MED12L: variants seen among roughly 807,000 people sequenced by gnomAD.
MED12L encodes the protein mediator complex subunit 12L.
In MED12L, 60 loss-of-function variants were observed where a neutral mutation model predicts 281.3. The observed-to-expected ratio is 0.21, with a 90% CI of 0.17 to 0.26. The LOEUF (loss-of-function observed/expected upper bound fraction) is 0.26. Ranked by LOEUF, MED12L falls within the 10% of genes least tolerant of loss-of-function variation. The pLI, the probability that MED12L is intolerant of heterozygous loss-of-function variation, is 1.00. For missense variants in MED12L, 2,146 were observed against 2,680.9 expected (o/e 0.80, Z 4.41); for synonymous variants, 974 against 987.2 (o/e 0.99, Z 0.25).
chr3:151,129,100 A>G (rs1330255289), intron 5 of MED12L, among the ~76,000 whole-genome samples: 1 of 152,194 alleles, frequency 6.6e-6, no homozygotes, highest in Admixed American at 6.5e-5. Flanking sequence ...TGAAATGAAA[A>G]CAGCTTATGG....
chr3:151,367,437 C>A (rs965920976), intron 23 of MED12L, among the ~76,000 whole-genome samples: 1 of 152,146 alleles, frequency 6.6e-6, no homozygotes, highest in Admixed American at 6.5e-5. Context: ...TTTCTTACAG[C>A]ATTGGAATGT....
intron 16 of MED12L, among the ~76,000 whole-genome samples, chr3:151,344,771 C>T (rs1017628864): frequency 6.6e-6 from 1 of 152,140 alleles, no homozygotes; most frequent in South Asian, 2.1e-4. Context: ...AGATCTTTTT[C>T]ATTTTTCCTT....
At chr3:151,398,130 C>G (rs779674042) in intron 39 of MED12L, among the ~76,000 whole-genome samples, 1 of 152,246 alleles carries the variant, frequency 6.6e-6, no homozygotes. Context: ...CTTCCAGGAG[C>G]CTAAAGTTTC....
chr3:151,220,893 A>G (rs1175656172), intron 16 of MED12L, among the ~76,000 whole-genome samples: 1 of 152,248 alleles, frequency 6.6e-6, no homozygotes, highest in Non-Finnish European at 1.5e-5. Context: ...GAACTGGGCA[A>G]CAGGCAGAGA....
At chr3:151,354,138 C>G (rs1236833113) in intron 17 of MED12L, among the ~76,000 whole-genome samples, 16 of 34,884 alleles carry the variant, frequency 4.6e-4, no homozygotes, top group African/African-American at 1.6e-3. Context: ...GAGACTCCGT[C>G]TCAAAAAAAA....
intron 38 of MED12L, among the ~76,000 whole-genome samples, chr3:151,391,111 G>C (rs1714180321): frequency 6.6e-6 from 1 of 152,154 alleles, no homozygotes; most frequent in African/African-American, 2.4e-5. Context: ...CCCAGTTTTG[G>C]ATGCTAGGAT....
chr3:151,193,801 C>T lies in MED12L; in HGVS notation c.2250+135C>T. The T allele has an allele frequency of 7.0e-6, 5 of 714,152 alleles. No homozygotes were observed. The South Asian group carries it at 1.0e-4, about 15-fold the overall frequency. 44.2% of individuals were successfully genotyped at this position (714,152 alleles called of 1,614,324 possible). On this transcript the variant is annotated intron_variant, in intron 16 of 44. Coordinates refer to ENST00000687756, the MANE Select transcript of MED12L (RefSeq NM_001393769.1). ...GAGTTTTTTGCATTTGCTCCTGCTT[C>T]TGTTCTAATTCTGATCTTAAGCTTA...
At chr3:151,108,600 C>A (rs1250786834) in intron 2 of MED12L, among the ~76,000 whole-genome samples, 1 of 152,156 alleles carries the variant, frequency 6.6e-6, no homozygotes, top group Non-Finnish European at 1.5e-5. Flanking sequence ...CTAACTCAGC[C>A]TTCTTGACTA....
intron 16 of MED12L, chr3:151,219,542 GA>G (rs1728911451): frequency 6.6e-6 from 1 of 152,180 alleles, no homozygotes; most frequent in African/African-American, 2.4e-5. Context: ...TACCTTTTAA[GA>G]TTTTTTTTGC....
At chr3:151,245,716 G>A (rs1735287792) in intron 16 of MED12L, among the ~76,000 whole-genome samples, 1 of 107,330 alleles carries the variant, frequency 9.3e-6, no homozygotes, top group African/African-American at 3.5e-5. Context: ...GCACAAGACA[G>A]GGATGCCCTC....
intron 16 of MED12L, among the ~76,000 whole-genome samples, chr3:151,277,201 GCCT>G (rs1742017140): frequency 6.6e-6 from 1 of 151,340 alleles, no homozygotes; most frequent in East Asian, 1.9e-4. Flanking sequence ...ACCATGCCTG[GCCT>G]CCTTGTTTTT....
In MED12L at chr3:151,163,920, T is replaced by G. The variant is rs772344854; in HGVS notation, c.1135T>G (p.Leu379Val). Reference sequence around the variant, plus strand: ...TGTCACTCTCTGTTGCCCAAGTGCCTTGGTGTGGAATTATTCCACAAATGA... The same window carrying G: ...TGTCACTCTCTGTTGCCCAAGTGCCGTGGTGTGGAATTATTCCACAAATGA... ...QTVTLCCPSALVWNYSTNENK... is the reference protein window; with the variant it reads ...QTVTLCCPSAVVWNYSTNENK... Residue 379 changes from leucine (L) to valine (V), a missense_variant, in exon 9 of 45, where the codon TTG (leucine) becomes GTG (valine). Physicochemically the swap from Leu to Val is conservative, Grantham distance 32. This residue lies in a region of MED12L where 722 missense variants were observed against 861.2 expected (regional missense o/e 0.84). Transcript: ENST00000687756. 1 of 1,613,538 alleles carries G rather than the reference T, an allele frequency of 6.2e-7. No homozygotes were observed. Among genetic ancestry groups the G allele is most frequent in the East Asian group, 2.2e-5 (1 of 44,842 alleles).
chr3:151,281,158 GC>G (rs1219843063), intron 16 of MED12L, among the ~76,000 whole-genome samples: 2 of 148,774 alleles, frequency 1.3e-5, no homozygotes, highest in Non-Finnish European at 3.0e-5. Context: ...GGAGGCCGAG[GC>G]AGGCAGGTCA....
At chr3:151,407,904 T>G (rs1716515761) in intron 39 of MED12L, among the ~76,000 whole-genome samples, 1 of 152,192 alleles carries the variant, frequency 6.6e-6, no homozygotes, top group South Asian at 2.1e-4. Flanking sequence ...TTAACTGTCT[T>G]AGGTATGCAT....
intron 20 of MED12L, among the ~76,000 whole-genome samples, chr3:151,357,761 A>AT (rs1218672593): frequency 6.6e-6 from 1 of 152,242 alleles, no homozygotes; most frequent in Non-Finnish European, 1.5e-5. Context: ...TAAGCTTTGC[A>AT]TACATTATCA....
Position 151,368,141 on chromosome 3 carries a change from C to T in MED12L, c.3449-9C>T. 6.2e-7 allele frequency: 1 copy of T among 1,612,304 alleles called. No homozygotes were observed. The highest frequency in any genetic ancestry group is 2.2e-5 in the East Asian group (1 of 44,860). ...TAGAAAACTTGCTTTTCCAATCCCC[C>T]TTTCCTAGCTTGTGGGGATGCGGAC... On this transcript the variant is annotated splice_polypyrimidine_tract_variant and intron_variant, in intron 24 of 44. Coordinates refer to ENST00000687756, the MANE Select transcript of MED12L (RefSeq NM_001393769.1).
In MED12L at chr3:151,376,204, G is replaced by A. The variant is rs188528346; in HGVS notation, c.4043G>A (p.Arg1348His). The A allele has an allele frequency of 1.8e-5, 29 of 1,581,296 alleles. No individual in the cohort carries two copies. The highest frequency in any genetic ancestry group is 1.4e-4 in the East Asian group (6 of 43,796). Residue 1348 changes from arginine to histidine, a missense_variant, in exon 28 of 45, where the codon CGT becomes CAT. Coordinates refer to ENST00000687756, the MANE Select transcript of MED12L (RefSeq NM_001393769.1). The stretch of plus-strand genomic sequence containing the variant: ...AATCTGCAAAGACAGCACATTAAGC[G>A]TATTCTTCAGGTCAGTCGTATACAG... ...GDNLQRQHIK[R>H]ILQNLEQWTL...
At chr3:151,310,548 C>A (rs971146349) in intron 16 of MED12L, among the ~76,000 whole-genome samples, 1 of 152,198 alleles carries the variant, frequency 6.6e-6, no homozygotes, top group African/African-American at 2.4e-5. Context: ...TGTAGGCCAG[C>A]TATGAATTTA....
chr3:151,376,060 A>G lies in MED12L; in HGVS notation c.3899A>G (p.Glu1300Gly). 6.3e-7 allele frequency: 1 copy of G among 1,596,174 alleles called. No homozygotes were observed. The highest frequency in any genetic ancestry group is 8.5e-7 in the Non-Finnish European group (1 of 1,173,512). ...WVGEHCLKEP[E>G]RLCTDKELIL... Reference sequence around the variant, plus strand: ...GGAGAGCATTGCTTAAAAGAACCTGAAAGATTATGTACAGACAAAGAACTT... The same window carrying G: ...GGAGAGCATTGCTTAAAAGAACCTGGAAGATTATGTACAGACAAAGAACTT... Residue 1300 changes from glutamate to glycine, a missense_variant, in exon 28 of 45, where the codon GAA becomes GGA. By Grantham distance (98) the Glu-to-Gly change is moderately conservative. This residue lies in a region of MED12L where 235 missense variants were observed against 260.3 expected (regional missense o/e 0.90). Transcript: ENST00000687756.
Sources: allele counts gnomAD v4.1 joint callset (sites outside exome capture counted in the v4.1 genomes callset), GRCh38; gene constraint gnomAD v4.1.1; regional missense constraint gnomAD v4.1.1; transcripts MANE v1.5; gene names NCBI Gene and HGNC (gene_info 2026-07-23, HGNC 2026-07-21).